WNT7B: variants seen among roughly 807,000 people sequenced by gnomAD.
WNT7B encodes protein Wnt-7b.
Under a neutral mutation model 38.2 loss-of-function variants are expected in WNT7B, and 19 were observed. The observed-to-expected ratio is 0.50, with a 90% confidence interval of 0.35 to 0.73. The LOEUF is 0.73. Among genes scored for constraint, WNT7B ranks in the 30% least tolerant of loss-of-function variants. The pLI, the probability that WNT7B is intolerant of heterozygous loss-of-function variation, is 0.01. For synonymous variants in WNT7B, 243 were observed against 209.3 expected (o/e 1.16, Z -1.39); for missense variants, 423 against 507.9 (o/e 0.83, Z 1.61).
chr22:45,929,311 CTG>C (rs1467828651), intron 3 of WNT7B, among the ~76,000 whole-genome samples: 1 of 152,070 alleles, frequency 6.6e-6, no homozygotes, highest in Non-Finnish European at 1.5e-5. Flanking sequence ...CACATGCTGT[CTG>C]TGAGTTCCTT....
chr22:45,926,317 C>G (rs1931081570), intron 3 of WNT7B: 39 of 985,430 alleles, frequency 4.0e-5, no homozygotes, highest in Non-Finnish European at 4.6e-5. Flanking sequence ...TCATCTTGCT[C>G]AGGGGAGCTG....
intron 3 of WNT7B, chr22:45,927,335 C>T: frequency 2.1e-6 from 3 of 1,461,074 alleles, no homozygotes; most frequent in Non-Finnish European, 2.7e-6. Flanking sequence ...GCAGCCAGGG[C>T]CTTGGTCTGG....
At chr22:45,934,283 G>A (rs979068439) in intron 2 of WNT7B, among the ~76,000 whole-genome samples, 1 of 152,184 alleles carries the variant, frequency 6.6e-6, no homozygotes, top group Non-Finnish European at 1.5e-5. Context: ...AGGCTAAGGT[G>A]ACCTGGGGCA....
chr22:45,971,746 C>T (rs1207759135), intron 1 of WNT7B, among the ~76,000 whole-genome samples: 1 of 152,184 alleles, frequency 6.6e-6, no homozygotes, highest in African/African-American at 2.4e-5. Flanking sequence ...GCGGCTCTCC[C>T]AAGTGTGGCA....
At chr22:45,925,799 C>A in intron 3 of WNT7B, 1 of 985,438 alleles carries the variant, frequency 1.0e-6, no homozygotes, top group Non-Finnish European at 1.2e-6. Context: ...GAAGTTCACC[C>A]CACCCCGGGC....
At chr22:45,970,723 T>C (rs948832465) in intron 1 of WNT7B, among the ~76,000 whole-genome samples, 1 of 152,032 alleles carries the variant, frequency 6.6e-6, no homozygotes, top group Non-Finnish European at 1.5e-5. Context: ...GGAGGCTTCC[T>C]GGCCTCCAAC....
chr22:45,941,741 C>A (rs1931654180), intron 2 of WNT7B, among the ~76,000 whole-genome samples: 1 of 152,198 alleles, frequency 6.6e-6, no homozygotes, highest in African/African-American at 2.4e-5. Flanking sequence ...GCCCCCACCT[C>A]CCGGGGCCAA....
chr22:45,969,554 G>A (rs1932386566), intron 1 of WNT7B, among the ~76,000 whole-genome samples: 1 of 152,252 alleles, frequency 6.6e-6, no homozygotes, highest in Non-Finnish European at 1.5e-5. Context: ...GCTCTGCACA[G>A]AGAAGGCGAG....
At chr22:45,969,404 T>C (rs1032340454) in intron 1 of WNT7B, among the ~76,000 whole-genome samples, 6 of 152,204 alleles carry the variant, frequency 3.9e-5, no homozygotes, top group Admixed American at 1.3e-4. Context: ...AGCCTGGTCC[T>C]GGTCAAGGCC....
chr22:45,972,304 C>T, intron 1 of WNT7B: 1 of 520,910 alleles, frequency 1.9e-6, no homozygotes, highest in Non-Finnish European at 3.4e-6. Context: ...CAGCTGAGGC[C>T]GGGGTCCCCG....
chr22:45,926,541 C>T (rs976650150), intron 3 of WNT7B: 9 of 985,250 alleles, frequency 9.1e-6, no homozygotes, highest in South Asian at 9.4e-5. Flanking sequence ...CCTTCCAGGG[C>T]GAGACTGACC....
chr22:45,938,183 C>T (rs937140510), intron 2 of WNT7B, among the ~76,000 whole-genome samples: 2 of 152,168 alleles, frequency 1.3e-5, no homozygotes, highest in Non-Finnish European at 2.9e-5. Context: ...GCACGCAGGT[C>T]ATCATGTGAA....
At chr22:45,928,996 C>G (rs959253562) in intron 3 of WNT7B, among the ~76,000 whole-genome samples, 1 of 152,206 alleles carries the variant, frequency 6.6e-6, no homozygotes, top group Non-Finnish European at 1.5e-5. Flanking sequence ...TCCAGAGCCA[C>G]TCATCCAGGT....
At chr22:45,949,570 T>C (rs1371280491) in intron 2 of WNT7B, among the ~76,000 whole-genome samples, 2 of 152,220 alleles carry the variant, frequency 1.3e-5, no homozygotes, top group African/African-American at 2.4e-5. Context: ...ACACGGCTGC[T>C]AGGCAGCGAA....
intron 3 of WNT7B, among the ~76,000 whole-genome samples, chr22:45,929,948 C>CCATCCACTCATACATCTACCCACCCGTG (rs143130413): frequency 3.0e-4 from 45 of 149,980 alleles, no homozygotes; most frequent in African/African-American, 1.1e-3. Flanking sequence ...ATCCTTCCAT[C>CCATCCACTCATACATCTACCCACCCGTG]CATCCACTCA....
intron 2 of WNT7B, among the ~76,000 whole-genome samples, chr22:45,949,099 G>A (rs527486164): frequency 6.6e-6 from 1 of 152,178 alleles, no homozygotes; most frequent in East Asian, 1.9e-4. Context: ...CCAAAGTGCT[G>A]GGATTACAGG....
At chr22:45,937,387 C>A (rs980081808) in intron 2 of WNT7B, among the ~76,000 whole-genome samples, 2 of 152,204 alleles carry the variant, frequency 1.3e-5, no homozygotes, top group South Asian at 2.1e-4. Context: ...GGTGAAGGGG[C>A]CTTTCTGTGT....
intron 1 of WNT7B, among the ~76,000 whole-genome samples, chr22:45,969,208 C>A (rs1932377296): frequency 6.6e-6 from 1 of 152,220 alleles, no homozygotes; most frequent in Admixed American, 6.5e-5. Context: ...AAGTGCCCCC[C>A]CACCCTGCCA....
At chr22:45,936,128 C>A (rs906326861) in intron 2 of WNT7B, 128 of 985,306 alleles carry the variant, frequency 1.3e-4, no homozygotes, top group Non-Finnish European at 1.5e-4. Flanking sequence ...GAGTAATGGT[C>A]CTGAAGGTTC....
Sources: allele counts gnomAD v4.1 joint callset (sites outside exome capture counted in the v4.1 genomes callset), GRCh38; gene constraint gnomAD v4.1.1; transcripts MANE v1.5; gene names NCBI Gene and HGNC (gene_info 2026-07-23, HGNC 2026-07-21).